Variants in TMEM117 observed in about 807,000 individuals in gnomAD.
The protein encoded by TMEM117 is transmembrane protein 117.
Under a neutral mutation model 52.4 loss-of-function variants are expected in TMEM117, and 27 were observed. The observed-to-expected ratio is 0.51, with a 90% CI of 0.38 to 0.71. The LOEUF (loss-of-function observed/expected upper bound fraction) is 0.71. Among genes scored for constraint, TMEM117 ranks in the 30% least tolerant of loss-of-function variants. The pLI is 0.00. For missense variants in TMEM117, 556 were observed against 630.5 expected (o/e 0.88, Z 1.26); for synonymous variants, 215 against 206.3 (o/e 1.04, Z -0.36).
At chr12:44,026,821 G>T (rs1019492533) in intron 3 of TMEM117, among the ~76,000 whole-genome samples, 9 of 151,834 alleles carry the variant, frequency 5.9e-5, no homozygotes, top group Admixed American at 2.6e-4. Flanking sequence ...ATTATTTTCT[G>T]TTTGTATATA....
chr12:43,983,547 CGTGTGTGTGTGTGTGTGTGTGTGTGTGT>C (rs748259406), intron 3 of TMEM117, among the ~76,000 whole-genome samples: 5 of 110,608 alleles, frequency 4.5e-5, no homozygotes, highest in East Asian at 3.3e-4. Flanking sequence ...TTGCACCAAC[CGTGTGTGTGTGTGTGTGTGTGTGTGTGT>C]GTGTGTGTGT....
intron 3 of TMEM117, among the ~76,000 whole-genome samples, chr12:44,058,021 G>A (rs73091731): frequency 0.059 from 9,007 of 152,112 alleles, 458 homozygotes; most frequent in African/African-American, 0.13. Context: ...GTGAATTATT[G>A]CTGAAGCATT....
chr12:43,977,834 A>G (rs539369459), intron 3 of TMEM117, among the ~76,000 whole-genome samples: 56 of 152,282 alleles, frequency 3.7e-4, no homozygotes, highest in Middle Eastern at 6.8e-3. Flanking sequence ...CATAAATGCA[A>G]AAGTTGAGAG....
chr12:44,380,865 C>A (rs1476672322), intron 7 of TMEM117, among the ~76,000 whole-genome samples: 1 of 152,152 alleles, frequency 6.6e-6, no homozygotes, highest in African/African-American at 2.4e-5. Context: ...CTACTGTTAT[C>A]TGCTGTCCTG....
the TMEM117 span, among the ~76,000 whole-genome samples, chr12:43,815,589 G>A: frequency 1.6e-4 from 25 of 152,312 alleles, no homozygotes; most frequent in African/African-American, 5.8e-4. Flanking sequence ...TGAAAAGTAG[G>A]TCATTTGTTT....
intron 6 of TMEM117, among the ~76,000 whole-genome samples, chr12:44,343,433 A>G (rs1267778096): frequency 6.6e-6 from 1 of 152,080 alleles, no homozygotes; most frequent in Non-Finnish European, 1.5e-5. Flanking sequence ...CACCTGAAAA[A>G]TTTACATCAA....
chr12:44,039,636 G>A (rs1299072662), intron 3 of TMEM117, among the ~76,000 whole-genome samples: 1 of 151,842 alleles, frequency 6.6e-6, no homozygotes, highest in East Asian at 1.9e-4. Context: ...CCCCAAATTT[G>A]AAATATTTTG....
At chr12:44,363,857 G>T (rs1045078210) in intron 6 of TMEM117, among the ~76,000 whole-genome samples, 1 of 152,094 alleles carries the variant, frequency 6.6e-6, no homozygotes, top group African/African-American at 2.4e-5. Flanking sequence ...AGTATTAAAA[G>T]TCCAGGAATC....
At chr12:44,214,801 T>C (rs973489131) in intron 5 of TMEM117, among the ~76,000 whole-genome samples, 1 of 152,164 alleles carries the variant, frequency 6.6e-6, no homozygotes, top group Non-Finnish European at 1.5e-5. Flanking sequence ...ATCTTGACAA[T>C]GGTATTCATG....
intron 2 of TMEM117, among the ~76,000 whole-genome samples, chr12:43,923,037 G>A (rs1427365010): frequency 6.6e-6 from 1 of 152,170 alleles, no homozygotes; most frequent in African/African-American, 2.4e-5. Context: ...TGCTGGAGGA[G>A]CAGAGCAGAA....
rs560004638 is a variant in TMEM117, at chr12:44,008,075, C to T, written c.410+63733C>T. Among the ~76,000 whole-genome samples the T allele has an allele frequency of 3.3e-5, 5 of 152,302 alleles. No individual in the cohort carries two copies. The South Asian group carries it at 1.0e-3, about 32-fold the overall frequency. On this transcript the variant is annotated intron_variant, in intron 3 of 7. Transcript: ENST00000266534. ...AGTTTGAAAGCCTCCATCCAGTCTA[C>T]ATAATGAAAGTCAGAAAAAGACCAT...
At chr12:44,052,797 C>T (rs1204655834) in intron 3 of TMEM117, among the ~76,000 whole-genome samples, 2 of 152,174 alleles carry the variant, frequency 1.3e-5, no homozygotes, top group African/African-American at 4.8e-5. Flanking sequence ...GTTGTCAGAG[C>T]AGGTTGCCAG....
chr12:44,269,281 C>T (rs1415455750), intron 5 of TMEM117, among the ~76,000 whole-genome samples: 2 of 152,114 alleles, frequency 1.3e-5, no homozygotes, highest in Non-Finnish European at 2.9e-5. Context: ...AACACTACCA[C>T]CCCAATCCAC....
chr12:44,096,473 G>A (rs1212703137), intron 3 of TMEM117, among the ~76,000 whole-genome samples: 1 of 152,052 alleles, frequency 6.6e-6, no homozygotes, highest in South Asian at 2.1e-4. Flanking sequence ...ATACTACAGG[G>A]CTACAGTAAC....
At position 44,084,995 on chromosome 12, in the gene TMEM117, G is replaced by C. The variant is rs138015816; in HGVS notation, c.411-58530G>C. On this transcript the variant is annotated intron_variant, in intron 3 of 7. Transcript: ENST00000266534. ...AACTACATTCAGCTAGGGTTGCTGTGAAGATTCAATAACAGCACCTGATAT... is the reference window on the plus strand; with the variant it reads ...AACTACATTCAGCTAGGGTTGCTGTCAAGATTCAATAACAGCACCTGATAT... 8.7e-4 allele frequency among the ~76,000 whole-genome samples: 132 copies of C among 152,284 alleles called. 2 individuals carry two copies. The highest frequency in any genetic ancestry group is 3.0e-3 in the African/African-American group (126 of 41,584).
intron 3 of TMEM117, among the ~76,000 whole-genome samples, chr12:44,083,404 T>G (rs1947515673): frequency 6.8e-6 from 1 of 146,028 alleles, no homozygotes; most frequent in South Asian, 2.2e-4. Flanking sequence ...TTTTTTTTTT[T>G]TTTTTTTTTT....
At chr12:43,796,022 T>C in the TMEM117 span, among the ~76,000 whole-genome samples, 3 of 152,194 alleles carry the variant, frequency 2.0e-5, no homozygotes, top group Non-Finnish European at 1.5e-5. Flanking sequence ...CACTACATTC[T>C]CAAGTTGCTA....
intron 3 of TMEM117, among the ~76,000 whole-genome samples, chr12:44,004,117 G>A (rs925405998): frequency 1.3e-5 from 2 of 152,174 alleles, no homozygotes; most frequent in Non-Finnish European, 2.9e-5. Context: ...CCTGCCACCT[G>A]CCATAAATAA....
the TMEM117 span, among the ~76,000 whole-genome samples, chr12:43,816,290 A>G: frequency 0.016 from 2,470 of 152,210 alleles, 27 homozygotes; most frequent in Non-Finnish European, 0.024. Flanking sequence ...CAGTTAGCTC[A>G]CTTCTGACTT....
Sources: allele counts gnomAD v4.1 joint callset (sites outside exome capture counted in the v4.1 genomes callset), GRCh38; gene constraint gnomAD v4.1.1; transcripts MANE v1.5; gene names NCBI Gene and HGNC (gene_info 2026-07-23, HGNC 2026-07-21).